The following ECSIT variants were observed in gnomAD, a reference collection of about 807,000 sequenced individuals.
ECSIT encodes the protein evolutionarily conserved signaling intermediate in Toll pathway, mitochondrial.
Under a neutral mutation model 36.8 loss-of-function variants are expected in ECSIT, and 29 were observed. The observed-to-expected ratio is 0.79, with a 90% confidence interval of 0.59 to 1.08. The LOEUF is 1.08. Among genes scored for constraint, ECSIT ranks in the 50% least tolerant of loss-of-function variants. The pLI, the probability that ECSIT is intolerant of heterozygous loss-of-function variation, is 0.00. For synonymous variants in ECSIT, 231 were observed against 234.8 expected (o/e 0.98, Z 0.15); for missense variants, 542 against 581.0 (o/e 0.93, Z 0.69).
At chr19:11,516,219 A>C (rs1971995091) in intron 2 of ECSIT, 2 of 151,912 alleles carry the variant, frequency 1.3e-5, no homozygotes, top group Admixed American at 1.3e-4. Flanking sequence ...TATTAAGCAA[A>C]ACTTAGTGCA....
intron 4 of ECSIT, chr19:11,510,729 T>A (rs1256969353): frequency 6.6e-6 from 1 of 152,006 alleles, no homozygotes; most frequent in African/African-American, 2.4e-5. Flanking sequence ...TGCATTGCTT[T>A]GCAAAATGAA....
At position 11,519,148 on chromosome 19, in the gene ECSIT, A is replaced by T; in HGVS notation, c.23T>A (p.Leu8Gln). ...GGCCCTACAGAGGCCTCGGGCCAGTAGGGTGGCCTGGACCCAGCTCATGCC... is the reference window on the plus strand; with the variant it reads ...GGCCCTACAGAGGCCTCGGGCCAGTTGGGTGGCCTGGACCCAGCTCATGCC... MSWVQAT[L>Q]LARGLCRAWG... Residue 8 changes from leucine to glutamine, a missense_variant, in exon 2 of 8, where the codon CTA becomes CAA. Coordinates refer to ENST00000270517, the MANE Select transcript of ECSIT (RefSeq NM_016581.5). The surrounding 1 kb of genome is among the most constrained non-coding windows in gnomAD (Gnocchi z 4.4). 1 of 1,550,298 alleles carries T rather than the reference A, an allele frequency of 6.5e-7. No individual in the cohort carries two copies. Among genetic ancestry groups the T allele is most frequent in the Non-Finnish European group, 8.7e-7 (1 of 1,146,904 alleles).
Position 11,506,181 on chromosome 19 carries a change from A to C in ECSIT, c.*3T>G. ...ACAGCCCGTGCCCTCGCGCCGGCTC[A>C]GACTAGCTCTGGCCCTGCTGCTGTC... is the stretch of plus-strand genomic sequence containing the variant. On this transcript the variant is annotated 3_prime_UTR_variant, in exon 8 of 8. Transcript: ENST00000270517. 6.2e-7 allele frequency: 1 copy of C among 1,604,180 alleles called. No individual in the cohort carries two copies. Among genetic ancestry groups the C allele is most frequent in the East Asian group, 2.2e-5 (1 of 44,878 alleles).
chr19:11,522,568 G>C, intron 1 of ECSIT: 1 of 642,050 alleles, frequency 1.6e-6, no homozygotes, highest in African/African-American at 1.8e-5. Context: ...AAAAAAATTA[G>C]CCAGTCATGG....
rs1971790613 is a variant in ECSIT, at chr19:11,507,974, C to T, written c.796+17G>A. 3.1e-6 allele frequency: 5 copies of T among 1,614,072 alleles called. No individual in the cohort carries two copies. In the East Asian group the frequency reaches 1.1e-4, roughly 36 times the overall value. On this transcript the variant is annotated intron_variant, in intron 5 of 7. Coordinates refer to ENST00000270517, the MANE Select transcript of ECSIT (RefSeq NM_016581.5). ...GTAAGGTTAGAGACTTGGCTGCCCC[C>T]ATGCTCTCGGACTTACCTACGATGT...
At chr19:11,508,279 A>G (rs1333344936) in intron 4 of ECSIT, among the ~76,000 whole-genome samples, 3 of 152,060 alleles carry the variant, frequency 2.0e-5, no homozygotes, top group Non-Finnish European at 4.4e-5. Flanking sequence ...CTTTGTCAAA[A>G]TCCTGGCTCT....
At chr19:11,513,319 G>C (rs1555739615) in intron 3 of ECSIT, 40 bp from the exon 4 acceptor site, 9 of 1,533,314 alleles carry the variant, frequency 5.9e-6, no homozygotes, top group South Asian at 1.1e-5. Context: ...AGAGATGGAG[G>C]GGGAGGAGGG....
At chr19:11,527,558 G>A (rs1316787175) in intron 1 of ECSIT, among the ~76,000 whole-genome samples, 1 of 151,952 alleles carries the variant, frequency 6.6e-6, no homozygotes. Context: ...GTGAATGCCT[G>A]TCATCTCAGG....
intron 7 of ECSIT, among the ~76,000 whole-genome samples, chr19:11,507,222 C>T (rs986824977): frequency 6.6e-6 from 1 of 151,594 alleles, no homozygotes; most frequent in South Asian, 2.1e-4. Flanking sequence ...CCCCAGAGGC[C>T]GCCCCTCATC....
intron 4 of ECSIT, among the ~76,000 whole-genome samples, chr19:11,509,067 C>T (rs928143012): frequency 2.8e-5 from 4 of 143,000 alleles, no homozygotes; most frequent in Non-Finnish European, 6.0e-5. Context: ...AAACACTAGA[C>T]AATTTTTTTT....
At chr19:11,514,703 G>A (rs1348120149) in intron 2 of ECSIT, among the ~76,000 whole-genome samples, 1 of 151,998 alleles carries the variant, frequency 6.6e-6, no homozygotes, top group Non-Finnish European at 1.5e-5. Flanking sequence ...TAAATTTTCA[G>A]CAGAGACGGG....
chr19:11,513,262 C>A lies in ECSIT; in HGVS notation c.532G>T (p.Glu178Ter), dbSNP rs762378901. ...ATCTGAATCAGCAGGAACTCCGTCT[C>A]CTTGTTGGGCATCACACCTGTGCTG... ...MENHGVMPNKETEFLLIQIFG... is the reference protein window; with the variant it reads ...MENHGVMPNK Residue 178 changes from glutamate to a stop codon, truncating the protein, a stop_gained, in exon 4 of 8, where the codon GAG becomes TAG. Coordinates refer to ENST00000270517, the MANE Select transcript of ECSIT (RefSeq NM_016581.5). LOFTEE classifies it high-confidence loss of function. The A allele has an allele frequency of 2.8e-5, 45 of 1,613,932 alleles. No individual in the cohort carries two copies. The highest frequency in any genetic ancestry group is 3.4e-5 in the Non-Finnish European group (40 of 1,180,034).
rs1971912184 is a variant in ECSIT, at chr19:11,513,311, A to C, written c.515-32T>G. The C allele has an allele frequency of 3.2e-6, 5 of 1,570,548 alleles. No individual in the cohort carries two copies. In the African/African-American group the frequency reaches 4.1e-5, roughly 13 times the overall value. On this transcript the variant is annotated intron_variant, in intron 3 of 7. Coordinates refer to ENST00000270517, the MANE Select transcript of ECSIT (RefSeq NM_016581.5). ...TGGGCAGATGCAGGCAGAACCTCAG[A>C]GATGGAGGGGGAGGAGGGAAGGGAA... is the stretch of plus-strand genomic sequence containing the variant.
intron 1 of ECSIT, chr19:11,522,584 C>G (rs893598304): frequency 8.2e-6 from 5 of 613,076 alleles, no homozygotes. Flanking sequence ...CATGGTGGTA[C>G]ATGCCTGTAA....
At chr19:11,509,952 C>T (rs1318828551) in intron 4 of ECSIT, among the ~76,000 whole-genome samples, 1 of 151,788 alleles carries the variant, frequency 6.6e-6, no homozygotes, top group African/African-American at 2.4e-5. Flanking sequence ...TCACTGCAAC[C>T]TCCACCTCCT....
Position 11,506,460 on chromosome 19 carries a change from A to C in ECSIT, c.1052-32T>G, listed in dbSNP as rs371685351. ...GAAGACATGCACCCTTAAGGTTTGCACAGTGGGGGCTGCAGCGGCTAACCC... is the reference window on the plus strand; with the variant it reads ...GAAGACATGCACCCTTAAGGTTTGCCCAGTGGGGGCTGCAGCGGCTAACCC... On this transcript the variant is annotated intron_variant, in intron 7 of 7. Coordinates refer to ENST00000270517, the MANE Select transcript of ECSIT (RefSeq NM_016581.5). 4 of 1,588,432 alleles carry C rather than the reference A, an allele frequency of 2.5e-6. No individual in the cohort carries two copies. The African/African-American group carries it at 5.4e-5, about 21-fold the overall frequency.
At chr19:11,527,330 TAAATA>T (rs1972236119) in intron 1 of ECSIT, among the ~76,000 whole-genome samples, 1 of 152,056 alleles carries the variant, frequency 6.6e-6, no homozygotes, top group Non-Finnish European at 1.5e-5. Context: ...GCTAAATAAA[TAAATA>T]AATCAACTAA....
At chr19:11,524,062 G>C (rs1972162055) in intron 1 of ECSIT, among the ~76,000 whole-genome samples, 1 of 151,990 alleles carries the variant, frequency 6.6e-6, no homozygotes, top group South Asian at 2.1e-4. Context: ...TGGGATTACA[G>C]GTGTGCGCCA....
At position 11,514,211 on chromosome 19, in the gene ECSIT, C is replaced by T. The variant is rs981341930; in HGVS notation, c.107G>A (p.Arg36Gln). 15 of 1,602,378 alleles carry T rather than the reference C, an allele frequency of 9.4e-6. No homozygotes were observed. Among genetic ancestry groups the T allele is most frequent in the Admixed American group, 6.8e-5 (4 of 58,926 alleles). ...TGTSISQVPRRLPRGLHCSAA... is the reference protein window; with the variant it reads ...TGTSISQVPRQLPRGLHCSAA... Reference sequence around the variant, plus strand: ...GCTGCAGTGGAGGCCCCGAGGGAGCCGGCGAGGGACCTGGGGAGGGAGGAG... The same window carrying T: ...GCTGCAGTGGAGGCCCCGAGGGAGCTGGCGAGGGACCTGGGGAGGGAGGAG... Residue 36 changes from arginine to glutamine, a missense_variant, in exon 3 of 8, where the codon CGG becomes CAG. Coordinates refer to ENST00000270517, the MANE Select transcript of ECSIT (RefSeq NM_016581.5).
Sources: gnomAD v4.1 joint callset for allele counts (sites outside exome capture counted in the v4.1 genomes callset) on GRCh38, gnomAD v4.1.1 for gene constraint, Gnocchi (gnomAD v3.1) non-coding constraint, MANE v1.5 for transcripts, NCBI Gene and HGNC (gene_info 2026-07-23, HGNC 2026-07-21) for gene names.